The following CSTF3 variants were observed in gnomAD, a reference collection of about 807,000 sequenced individuals.
The protein encoded by CSTF3 is CF-1 77 kDa subunit.
A neutral mutation model predicts 105.8 loss-of-function variants in CSTF3; 29 were observed. The ratio of observed to expected loss-of-function variants is 0.27; its 90% CI spans 0.20 to 0.37. The LOEUF (loss-of-function observed/expected upper bound fraction) is 0.37. CSTF3 is among the 10% of genes least tolerant of loss of function. CSTF3 has a pLI of 1.00. For missense variants in CSTF3, 357 were observed against 879.3 expected, an observed-to-expected ratio of 0.41 and a Z score of 7.51; for synonymous variants, 252 against 281.9, an observed-to-expected ratio of 0.89 and a Z score of 1.06.
intron 10 of CSTF3, among the ~76,000 whole-genome samples, chr11:33,100,479 G>A (rs1855270813): frequency 1.3e-5 from 2 of 152,002 alleles, no homozygotes; most frequent in South Asian, 2.1e-4. Context: ...TTACAGATGT[G>A]AGCCACTGCA....
At chr11:33,097,603 G>A (rs778510485) in intron 13 of CSTF3, among the ~76,000 whole-genome samples, 5 of 152,140 alleles carry the variant, frequency 3.3e-5, no homozygotes, top group Non-Finnish European at 7.4e-5. Flanking sequence ...TCCTGACCTC[G>A]TGATCTGCCT....
At chr11:33,089,296 A>G (rs1855141411) in intron 17 of CSTF3, among the ~76,000 whole-genome samples, 1 of 150,892 alleles carries the variant, frequency 6.6e-6, no homozygotes. Flanking sequence ...GCAGTGAGCC[A>G]TGATCTCACC....
At chr11:33,097,008 A>T (rs780576199) in intron 13 of CSTF3, 30 bp from the exon 14 acceptor site, 1 of 1,528,056 alleles carries the variant, frequency 6.5e-7, no homozygotes, top group Non-Finnish European at 8.9e-7. Context: ...TGTGTTCTAT[A>T]AATTAGACAG....
chr11:33,154,305 A>G (rs1446639400), intron 1 of CSTF3, among the ~76,000 whole-genome samples: 1 of 152,192 alleles, frequency 6.6e-6, no homozygotes, highest in Non-Finnish European at 1.5e-5. Context: ...TCTGTTCCAC[A>G]AATGTTTTCC....
At chr11:33,113,991 T>A (rs1255219198) in intron 3 of CSTF3, among the ~76,000 whole-genome samples, 3 of 152,230 alleles carry the variant, frequency 2.0e-5, no homozygotes, top group African/African-American at 7.2e-5. Context: ...ATACTTCATA[T>A]TTCCAGGCCT....
At chr11:33,146,032 T>C (rs1287714074) in intron 1 of CSTF3, among the ~76,000 whole-genome samples, 2 of 151,224 alleles carry the variant, frequency 1.3e-5, no homozygotes, top group South Asian at 2.1e-4. Flanking sequence ...AGGTCAGGAG[T>C]TCGAGACCAG....
chr11:33,151,187 T>C (rs1461875420), intron 1 of CSTF3, among the ~76,000 whole-genome samples: 1 of 152,052 alleles, frequency 6.6e-6, no homozygotes, highest in Non-Finnish European at 1.5e-5. Context: ...GTTCTTTTTG[T>C]TTCTAGTTTT....
At chr11:33,111,821 C>T (rs190599098) in intron 3 of CSTF3, among the ~76,000 whole-genome samples, 2 of 152,284 alleles carry the variant, frequency 1.3e-5, no homozygotes, top group South Asian at 2.1e-4. Flanking sequence ...ATCTCTAGTA[C>T]GTGGCCACTG....
chr11:33,097,039 G>T, intron 13 of CSTF3, 61 bp from the exon 14 acceptor site: 1 of 1,236,310 alleles, frequency 8.1e-7, no homozygotes, highest in Non-Finnish European at 1.1e-6. Flanking sequence ...GCATAAGAAA[G>T]CAATCCTCAA....
chr11:33,085,835 TTA>T, intron 19 of CSTF3, 58 bp downstream of exon 19: 1 of 1,582,624 alleles, frequency 6.3e-7, no homozygotes, highest in Non-Finnish European at 8.7e-7. Context: ...AGTAGTAACT[TTA>T]TACACAATTA....
chr11:33,103,029 T>C, intron 9 of CSTF3, 78 bp downstream of exon 9: 2 of 910,960 alleles, frequency 2.2e-6, no homozygotes. Flanking sequence ...ATATCAAGAG[T>C]AATACCAGAC....
intron 10 of CSTF3, among the ~76,000 whole-genome samples, chr11:33,101,439 G>T (rs1027495217): frequency 3.3e-5 from 5 of 152,122 alleles, no homozygotes; most frequent in African/African-American, 1.2e-4. Flanking sequence ...TAGATGGTTG[G>T]GGTAAACACC....
At chr11:33,116,916 C>T (rs530647399) in intron 3 of CSTF3, among the ~76,000 whole-genome samples, 2 of 150,696 alleles carry the variant, frequency 1.3e-5, no homozygotes, top group South Asian at 4.2e-4. Context: ...GGAAGAACAA[C>T]AGACTTTTTT....
Position 33,099,019 on chromosome 11 carries a change from A to C in CSTF3, c.1053+15T>G. On this transcript the variant is annotated intron_variant, in intron 12 of 20. Transcript: ENST00000323959. This position sits in a 1 kb window ranked among gnomAD's most constrained non-coding sequence, Gnocchi z 4.1. ...AAAATTGAATTATAAGAAGGCTCTA[A>C]ACATTTTTACTTACCTCTTCATAAT... 3 of 1,560,776 alleles carry C rather than the reference A, an allele frequency of 1.9e-6. No individual in the cohort carries two copies. Among genetic ancestry groups the C allele is most frequent in the Non-Finnish European group, 2.6e-6 (3 of 1,166,268 alleles).
chr11:33,097,689 A>G (rs1855239253), intron 13 of CSTF3, among the ~76,000 whole-genome samples: 1 of 151,976 alleles, frequency 6.6e-6, no homozygotes, highest in African/African-American at 2.4e-5. Context: ...TTAACTTCAC[A>G]TTTTCTTGGT....
rs1855447331 is a variant in CSTF3 at position 33,117,806 on chromosome 11, C to T, written c.226-9388G>A. On this transcript the variant is annotated intron_variant, in intron 3 of 20. Transcript: ENST00000323959. ...ATGGGATGAGATATAGATATATACA[C>T]ACCCACAGGAACTTTAAAAGCAATG... Among the ~76,000 whole-genome samples the T allele has an allele frequency of 1.3e-5, 2 of 151,884 alleles. 1 individual carries two copies. Among genetic ancestry groups the T allele is most frequent in the South Asian group, 4.1e-4 (2 of 4,826 alleles).
Position 33,126,669 on chromosome 11 carries a change from T to C in CSTF3, c.225+14998A>G, listed in dbSNP as rs887330877. On this transcript the variant is annotated intron_variant, in intron 3 of 20. Transcript: ENST00000323959. ...TTTATATTCATGAAAATACATCTTG[T>C]TATAAACTGAAATAACTCATTTTAC... is the stretch of plus-strand genomic sequence containing the variant. Among the ~76,000 whole-genome samples, 3 of 152,194 alleles carry C rather than the reference T, an allele frequency of 2.0e-5. No homozygotes were observed. The East Asian group carries it at 5.8e-4, about 29-fold the overall frequency.
At chr11:33,094,686 A>G (rs1855200764) in intron 15 of CSTF3, among the ~76,000 whole-genome samples, 1 of 152,204 alleles carries the variant, frequency 6.6e-6, no homozygotes, top group Non-Finnish European at 1.5e-5. Flanking sequence ...CCCAGAATGT[A>G]GAATCATTAA....
chr11:33,113,729 A>T (rs1024017576), intron 3 of CSTF3, among the ~76,000 whole-genome samples: 5 of 152,130 alleles, frequency 3.3e-5, no homozygotes, highest in African/African-American at 9.7e-5. Flanking sequence ...CAATATCAAG[A>T]TCAATTAACC....
Sources: allele counts gnomAD v4.1 joint callset (sites outside exome capture counted in the v4.1 genomes callset), GRCh38; gene constraint gnomAD v4.1.1; non-coding constraint Gnocchi (gnomAD v3.1); transcripts MANE v1.5; gene names NCBI Gene and HGNC (gene_info 2026-07-23, HGNC 2026-07-21).